The following DPYSL3 variants were observed in gnomAD, a reference collection of about 807,000 sequenced individuals.
DPYSL3 encodes the protein dihydropyrimidinase like 3, also known as dihydropyrimidinase-related protein 3.
Under a neutral mutation model 66.1 loss-of-function variants are expected in DPYSL3, and 16 were observed. That is an observed-to-expected ratio of 0.24 (90% CI 0.16 to 0.37). The LOEUF is 0.37. Among genes scored for constraint, DPYSL3 ranks in the 10% least tolerant of loss-of-function variants. The probability of loss-of-function intolerance (pLI) is 1.00; values close to 1 mark genes in which losing one functional copy is unlikely to be tolerated. For synonymous variants in DPYSL3, 338 were observed against 345.1 expected (o/e 0.98, Z 0.23); for missense variants, 738 against 916.2 (o/e 0.81, Z 2.51).
chr5:147,476,624 C>A (rs1753159372), intron 1 of DPYSL3, among the ~76,000 whole-genome samples: 1 of 152,080 alleles, frequency 6.6e-6, no homozygotes, highest in Non-Finnish European at 1.5e-5. Context: ...AAATTTTGGT[C>A]TCTCAGTGAA....
At chr5:147,445,477 G>A (rs866502869) in intron 1 of DPYSL3, among the ~76,000 whole-genome samples, 1 of 152,178 alleles carries the variant, frequency 6.6e-6, no homozygotes, top group Non-Finnish European at 1.5e-5. Context: ...CATTCCTGTA[G>A]GTAAGTGTTA....
chr5:147,411,627 C>A (rs1258488950), intron 6 of DPYSL3, among the ~76,000 whole-genome samples: 1 of 152,152 alleles, frequency 6.6e-6, no homozygotes, highest in Non-Finnish European at 1.5e-5. Context: ...TTACTAGTTC[C>A]TGGCACACAG....
At chr5:147,435,225 C>T (rs554145171) in intron 1 of DPYSL3, among the ~76,000 whole-genome samples, 6 of 152,242 alleles carry the variant, frequency 3.9e-5, no homozygotes, top group South Asian at 4.1e-4. Flanking sequence ...GATTTGTACA[C>T]GTGGGTATGG....
At chr5:147,467,649 G>A (rs919066648) in intron 1 of DPYSL3, among the ~76,000 whole-genome samples, 3 of 152,020 alleles carry the variant, frequency 2.0e-5, no homozygotes, top group East Asian at 1.9e-4. Context: ...CAATTTACAC[G>A]GACCTCCAAA....
chr5:147,481,000 G>A (rs1433924957), intron 1 of DPYSL3, among the ~76,000 whole-genome samples: 2 of 152,160 alleles, frequency 1.3e-5, no homozygotes, highest in African/African-American at 2.4e-5. Flanking sequence ...GGAATTACAC[G>A]TGTGAGCCAC....
At chr5:147,453,725 C>A in intron 1 of DPYSL3, 3 of 1,317,842 alleles carry the variant, frequency 2.3e-6, no homozygotes, top group Non-Finnish European at 2.9e-6. Flanking sequence ...CTCCGCCCGC[C>A]TCCGCCCCCC....
chr5:147,397,547 T>G (rs1316251220), intron 12 of DPYSL3, 119 bp downstream of exon 12: 2 of 1,096,044 alleles, frequency 1.8e-6, no homozygotes, highest in Non-Finnish European at 1.3e-6. Flanking sequence ...GACAAGACTG[T>G]CACTGAATTT....
rs1275767374 is a variant in DPYSL3, at chr5:147,399,148, A to G, written c.1557T>C (p.Ser519=). Residue 519 remains serine, a synonymous_variant, in exon 11 of 14, where the codon TCT becomes TCC. Transcript: ENST00000343218. ...YPRKGRISVG[S]DSDLVIWDPD... is the part of the protein sequence containing the mutation. ...GATCCCAGATGACGAGGTCGCTGTC[A>G]GAACCCACAGATATTCTTCCCTTGC... The G allele has an allele frequency of 1.2e-6, 2 of 1,614,140 alleles. No homozygotes were observed. Among genetic ancestry groups the G allele is most frequent in the African/African-American group, 2.7e-5 (2 of 74,944 alleles).
rs1489961041 is a variant in DPYSL3 at position 147,449,986 on chromosome 5, C to T, written c.382-25023G>A. On this transcript the variant is annotated intron_variant, in intron 1 of 13. Transcript: ENST00000343218. ...ACAGTGACAAGAAAAATATGCCTCC[C>T]AGCAGTGCAGATGGTCTGGAAACCA... Among the ~76,000 whole-genome samples the T allele has an allele frequency of 2.6e-5, 4 of 152,272 alleles. No individual in the cohort carries two copies. The East Asian group carries it at 7.7e-4, about 29-fold the overall frequency.
At position 147,509,927 on chromosome 5, in the gene DPYSL3, T is replaced by A; in HGVS notation, c.-69A>T. The A allele has an allele frequency of 2.1e-6, 3 of 1,452,730 alleles. No individual in the cohort carries two copies. The highest frequency in any genetic ancestry group is 2.7e-6 in the Non-Finnish European group (3 of 1,105,412). 90.0% of individuals were successfully genotyped at this position (1,452,730 alleles called of 1,614,324 possible). A position where few individuals can be genotyped will look rare whatever the true frequency, so the allele number is the denominator to read the frequency against. On this transcript the variant is annotated 5_prime_UTR_variant, in exon 1 of 14. Coordinates refer to ENST00000343218, the MANE Select transcript of DPYSL3 (RefSeq NM_001197294.2). The surrounding 1 kb of genome is among the most constrained non-coding windows in gnomAD (Gnocchi z 5.3). ...GCGGAAAGGGCAGCCGCCGGCAGCG[T>A]GCGCCGAGCCACAGTGACTGTGGCG...
intron 1 of DPYSL3, among the ~76,000 whole-genome samples, chr5:147,496,124 A>T (rs916785166): frequency 5.3e-5 from 8 of 152,194 alleles, no homozygotes; most frequent in Non-Finnish European, 1.0e-4. Flanking sequence ...TCTTTGACAA[A>T]CCTGACAAAA....
chr5:147,500,197 CAT>C lies in DPYSL3; in HGVS notation c.381+9279_381+9280del, dbSNP rs1215611888. Among the ~76,000 whole-genome samples the C allele has an allele frequency of 1.8e-4, 28 of 152,300 alleles. No individual in the cohort carries two copies. In the South Asian group the frequency reaches 5.2e-3, roughly 28 times the overall value. On this transcript the variant is annotated intron_variant, in intron 1 of 13. Transcript: ENST00000343218. Reference sequence around the variant, plus strand: ...AGCTGGACTATATTAAAATTAAAAACATATGTGCTGCAAAACATATTGTCAAA... The same window carrying C: ...AGCTGGACTATATTAAAATTAAAAACATGTGCTGCAAAACATATTGTCAAA...
chr5:147,509,457 A>C lies in DPYSL3; in HGVS notation c.381+21T>G. ...AGAAAGGAACGAAGGCAAGGAGGGA[A>C]GTGACCCGGGGCCCCCTTACCTTGT... On this transcript the variant is annotated intron_variant, in intron 1 of 13. Coordinates refer to ENST00000343218, the MANE Select transcript of DPYSL3 (RefSeq NM_001197294.2). This position sits in a 1 kb window ranked among gnomAD's most constrained non-coding sequence, Gnocchi z 5.3. The C allele has an allele frequency of 6.7e-7, 1 of 1,485,716 alleles. No homozygotes were observed. Among genetic ancestry groups the C allele is most frequent in the East Asian group, 2.5e-5 (1 of 40,456 alleles). The allele number at this position is 1,485,716 out of a possible 1,614,324, so 92.0% of individuals were successfully genotyped here.
chr5:147,402,488 C>CA lies in DPYSL3; in HGVS notation c.1154-793dup, dbSNP rs1482038632. Among the ~76,000 whole-genome samples, 31 of 148,128 alleles carry CA rather than the reference C, an allele frequency of 2.1e-4. 2 individuals carry two copies. The highest frequency in any genetic ancestry group is 7.9e-4 in the African/African-American group (30 of 37,736). ...TCAGCCTCCCGAGTAGCTGGGACTA[C>CA]AGGCGCCCGCCACCACGCCCGGCTA... is the stretch of plus-strand genomic sequence containing the variant. On this transcript the variant is annotated intron_variant, in intron 8 of 13. Transcript: ENST00000343218.
intron 1 of DPYSL3, among the ~76,000 whole-genome samples, chr5:147,489,646 G>T (rs1157431361): frequency 6.6e-6 from 1 of 152,060 alleles, no homozygotes; most frequent in East Asian, 1.9e-4. Context: ...AATTCCAAGA[G>T]ATTATTGAGG....
At chr5:147,445,600 T>C (rs1752616015) in intron 1 of DPYSL3, among the ~76,000 whole-genome samples, 1 of 152,170 alleles carries the variant, frequency 6.6e-6, no homozygotes, top group African/African-American at 2.4e-5. Flanking sequence ...TCATGGCATG[T>C]ACATGGCATG....
chr5:147,473,803 C>T lies in DPYSL3; in HGVS notation c.381+35675G>A, dbSNP rs1030512524. 6.6e-5 allele frequency among the ~76,000 whole-genome samples: 10 copies of T among 151,962 alleles called. No individual in the cohort carries two copies. The East Asian group carries it at 1.9e-3, about 29-fold the overall frequency. The stretch of plus-strand genomic sequence containing the variant: ...TTCAGGTGGAATTAAACCTTGGGGA[C>T]CTTTCTGAATTACTACATGGACTTC... On this transcript the variant is annotated intron_variant, in intron 1 of 13. Coordinates refer to ENST00000343218, the MANE Select transcript of DPYSL3 (RefSeq NM_001197294.2).
intron 1 of DPYSL3, among the ~76,000 whole-genome samples, chr5:147,457,166 G>A (rs765387360): frequency 1.1e-4 from 16 of 152,144 alleles, no homozygotes; most frequent in African/African-American, 3.6e-4. Flanking sequence ...AGTTTACTTC[G>A]TATTCTTCTT....
At chr5:147,453,683 T>A in intron 1 of DPYSL3, 1 of 1,419,904 alleles carries the variant, frequency 7.0e-7, no homozygotes, top group Non-Finnish European at 9.3e-7. Flanking sequence ...CGAGATCAGG[T>A]GGAGTGAATG....
Sources: gnomAD v4.1 joint callset for allele counts (sites outside exome capture counted in the v4.1 genomes callset) on GRCh38, gnomAD v4.1.1 for gene constraint, Gnocchi (gnomAD v3.1) non-coding constraint, MANE v1.5 for transcripts, NCBI Gene and HGNC (gene_info 2026-07-23, HGNC 2026-07-21) for gene names.